The following CRBN variants were observed in gnomAD, a reference collection of about 807,000 sequenced individuals.
CRBN encodes the protein cereblon.
A neutral mutation model predicts 62.2 loss-of-function variants in CRBN; 53 were observed. The observed-to-expected ratio is 0.85, with a 90% CI of 0.68 to 1.07. CRBN has a LOEUF of 1.07. Among genes scored for constraint, CRBN ranks in the 50% least tolerant of loss-of-function variants. The probability of loss-of-function intolerance (pLI) is 0.00; values close to 1 mark genes in which losing one functional copy is unlikely to be tolerated. For missense variants in CRBN, 616 were observed against 531.1 expected (o/e 1.16, Z -1.57); for synonymous variants, 208 against 176.1 (o/e 1.18, Z -1.43).
At chr3:3,152,423 G>GAAAAAAAAAAA (rs11414437) in intron 10 of CRBN, 33 bp downstream of exon 10, 3 of 1,486,980 alleles carry the variant, frequency 2.0e-6, no homozygotes, top group East Asian at 2.6e-5. Context: ...GGTAAAAAAA[G>GAAAAAAAAAAA]AAAAAAAAAA....
At chr3:3,175,369 G>A (rs910561299) in intron 1 of CRBN, 100 bp from the exon 2 acceptor site, 19 of 881,048 alleles carry the variant, frequency 2.2e-5, no homozygotes, top group East Asian at 1.0e-4. Flanking sequence ...AAAACCACAT[G>A]CATTTGGTAA....
chr3:3,164,088 C>A (rs776096546), intron 5 of CRBN, among the ~76,000 whole-genome samples: 5 of 152,166 alleles, frequency 3.3e-5, no homozygotes, highest in Non-Finnish European at 7.3e-5. Context: ...GCTCCACTGA[C>A]GAGCCCCTCC....
At chr3:3,159,082 A>G (rs1365052954) in intron 5 of CRBN, among the ~76,000 whole-genome samples, 1 of 152,178 alleles carries the variant, frequency 6.6e-6, no homozygotes, top group Non-Finnish European at 1.5e-5. Flanking sequence ...CCATGATGGT[A>G]AGTTTCCTAA....
chr3:3,179,657 C>G lies in CRBN; in HGVS notation c.31G>C (p.Ala11Pro). The part of the protein sequence containing the change: MAGEGDQQDA[A>P]HNMGNHLPLL... ...GGCAGGTGGTTGCCCATGTTGTGCG[C>G]AGCGTCCTGCTGATCTCCTTCGCCG... Residue 11 changes from alanine to proline, a missense_variant, in exon 1 of 11, where the codon GCG (alanine) becomes CCG (proline). Ala to Pro is a conservative substitution (Grantham distance 27). Transcript: ENST00000231948. 1.2e-6 allele frequency: 2 copies of G among 1,613,168 alleles called. No homozygotes were observed. Among genetic ancestry groups the G allele is most frequent in the South Asian group, 2.2e-5 (2 of 91,040 alleles).
At chr3:3,169,896 T>TAA (rs11388249) in intron 4 of CRBN, among the ~76,000 whole-genome samples, 15 of 150,800 alleles carry the variant, frequency 9.9e-5, no homozygotes, top group African/African-American at 2.2e-4. Context: ...CTGTTTTTAT[T>TAA]AAAAAAAAAT....
chr3:3,151,165 G>A (rs1424885342), intron 10 of CRBN, 120 bp from the exon 11 acceptor site: 1 of 1,085,502 alleles, frequency 9.2e-7, no homozygotes, highest in Non-Finnish European at 1.4e-6. Flanking sequence ...ATTCTAAGTT[G>A]AGATTTGATC....
intron 6 of CRBN, 96 bp from the exon 7 acceptor site, chr3:3,154,927 T>C: frequency 2.6e-6 from 2 of 759,372 alleles, no homozygotes; most frequent in Non-Finnish European, 2.4e-6. Context: ...TGGTAGCAAT[T>C]TAATCACTCA....
chr3:3,179,374 C>T (rs1707971337), intron 1 of CRBN, among the ~76,000 whole-genome samples: 1 of 152,154 alleles, frequency 6.6e-6, no homozygotes, highest in African/African-American at 2.4e-5. Context: ...GATGGGTTTC[C>T]TGTTCTTAAT....
chr3:3,165,987 T>C (rs1707312067), intron 5 of CRBN, among the ~76,000 whole-genome samples: 1 of 152,170 alleles, frequency 6.6e-6, no homozygotes, highest in South Asian at 2.1e-4. Context: ...ATTTCAACAG[T>C]AACATTTAAA....
At chr3:3,164,527 A>C (rs534374439) in intron 5 of CRBN, among the ~76,000 whole-genome samples, 45 of 152,198 alleles carry the variant, frequency 3.0e-4, no homozygotes, top group Non-Finnish European at 5.4e-4. Flanking sequence ...TGGCCATTCC[A>C]AAAATCCTAG....
chr3:3,164,940 C>CA (rs1707271814), intron 5 of CRBN, among the ~76,000 whole-genome samples: 2 of 152,276 alleles, frequency 1.3e-5, no homozygotes, highest in East Asian at 3.9e-4. Context: ...AGTCACCATT[C>CA]TAGGTGCCAT....
intron 5 of CRBN, among the ~76,000 whole-genome samples, chr3:3,156,946 G>A (rs1016344182): frequency 2.0e-5 from 3 of 152,050 alleles, no homozygotes; most frequent in African/African-American, 7.2e-5. Flanking sequence ...GTATTTGAGG[G>A]GGAGAAATGT....
intron 4 of CRBN, among the ~76,000 whole-genome samples, chr3:3,171,744 C>G (rs1262880282): frequency 1.3e-5 from 2 of 152,080 alleles, no homozygotes; most frequent in African/African-American, 4.8e-5. Flanking sequence ...AACGTTCCTG[C>G]CCTCATGCTG....
chr3:3,153,611 C>T (rs1309171794), intron 8 of CRBN, 123 bp from the exon 9 acceptor site: 7 of 713,320 alleles, frequency 9.8e-6, no homozygotes, highest in Non-Finnish European at 1.8e-5. Context: ...TCACATTTTC[C>T]TTCCAAGCAT....
chr3:3,168,067 C>G (rs572330423), intron 4 of CRBN, among the ~76,000 whole-genome samples: 93 of 152,174 alleles, frequency 6.1e-4, no homozygotes, highest in Non-Finnish European at 9.7e-4. Flanking sequence ...CAGATAAATA[C>G]AGAGTCTATA....
intron 4 of CRBN, among the ~76,000 whole-genome samples, chr3:3,169,220 T>C (rs1305005329): frequency 6.6e-6 from 1 of 152,236 alleles, no homozygotes; most frequent in Non-Finnish European, 1.5e-5. Flanking sequence ...TGCTCTCCTT[T>C]ACCTGGTTAA....
At chr3:3,163,475 G>A (rs1261269516) in intron 5 of CRBN, among the ~76,000 whole-genome samples, 3 of 152,182 alleles carry the variant, frequency 2.0e-5, no homozygotes, top group Non-Finnish European at 1.5e-5. Flanking sequence ...GGCCAAATTC[G>A]GAATGTAATG....
At position 3,152,582 on chromosome 3, in the gene CRBN, G is replaced by A; in HGVS notation, c.1022C>T (p.Ser341Phe). 6.2e-7 allele frequency: 1 copy of A among 1,613,954 alleles called. No homozygotes were observed. Among genetic ancestry groups the A allele is most frequent in the Non-Finnish European group, 8.5e-7 (1 of 1,179,966 alleles). The change falls in exon 10 of 11, where the codon TCC (serine) becomes TTC (phenylalanine). Residue 341 changes from serine to phenylalanine, a missense_variant. Physicochemically the swap from Ser to Phe is radical, Grantham distance 155 (BLOSUM62 -2). Transcript: ENST00000231948. ...ATAAGCTGCCATCGGCCCACATAAG[G>A]ATAAACTAAAACAAAGAATCAACAT... is the stretch of plus-strand genomic sequence containing the variant. ...ITTKNEIFSL[S>F]LCGPMAAYVN...
At chr3:3,174,994 A>G (rs1267586704) in intron 2 of CRBN, among the ~76,000 whole-genome samples, 169 bp downstream of exon 2, 1 of 151,386 alleles carries the variant, frequency 6.6e-6, no homozygotes. Flanking sequence ...ACATAGTATT[A>G]AGCTTCTTAA....
Sources: allele counts gnomAD v4.1 joint callset (sites outside exome capture counted in the v4.1 genomes callset), GRCh38; gene constraint gnomAD v4.1.1; transcripts MANE v1.5; gene names NCBI Gene and HGNC (gene_info 2026-07-23, HGNC 2026-07-21).